Variants in SRPK2 observed in about 807,000 individuals in gnomAD.
SRPK2 encodes SRSF protein kinase 2, also known as SFRS protein kinase 2.
Under a neutral mutation model 90.8 loss-of-function variants are expected in SRPK2, and 21 were observed. The observed-to-expected ratio is 0.23, with a 90% CI of 0.16 to 0.33. The LOEUF is 0.33. SRPK2 is among the 10% of genes least tolerant of loss of function. SRPK2 has a pLI of 1.00. For synonymous variants in SRPK2, 288 were observed against 311.1 expected, an observed-to-expected ratio of 0.93 and a Z score of 0.78; for missense variants, 620 against 869.0, an observed-to-expected ratio of 0.71 and a Z score of 3.60.
chr7:105,238,102 G>C (rs2299320), intron 2 of SRPK2, among the ~76,000 whole-genome samples: 32 of 151,994 alleles, frequency 2.1e-4, no homozygotes, highest in Admixed American at 3.3e-4. Flanking sequence ...AGGCTGAATC[G>C]TGCAGGGTAA....
chr7:105,227,128 C>A (rs149388400), intron 2 of SRPK2, among the ~76,000 whole-genome samples: 2 of 152,070 alleles, frequency 1.3e-5, no homozygotes, highest in East Asian at 1.9e-4. Flanking sequence ...ATTCTCAAAC[C>A]AAGTAACAAA....
chr7:105,225,794 A>G, intron 2 of SRPK2, among the ~76,000 whole-genome samples: 1 of 4,008 alleles, frequency 2.5e-4, no homozygotes, highest in East Asian at 7.0e-3. Flanking sequence ...CTAAACTTAC[A>G]CTTAAAAAAA....
chr7:105,255,129 G>A (rs1803073740), intron 2 of SRPK2, among the ~76,000 whole-genome samples: 1 of 147,954 alleles, frequency 6.8e-6, no homozygotes, highest in Non-Finnish European at 1.5e-5. Context: ...AAGCATTTAA[G>A]ATATGTAGAA....
At chr7:105,301,887 C>T in intron 2 of SRPK2, 3 of 1,597,728 alleles carry the variant, frequency 1.9e-6, no homozygotes, top group Non-Finnish European at 2.6e-6. Context: ...TCCACAACAT[C>T]GATAAGCAAT....
At chr7:105,228,906 C>T (rs1375571103) in intron 2 of SRPK2, among the ~76,000 whole-genome samples, 1 of 152,176 alleles carries the variant, frequency 6.6e-6, no homozygotes, top group Non-Finnish European at 1.5e-5. Flanking sequence ...GTAAACAGGG[C>T]GCCCCTGTTA....
At chr7:105,389,324 C>T, upstream of SRPK2, 3 of 1,281,188 alleles carry the variant, frequency 2.3e-6, no homozygotes, top group Non-Finnish European at 3.0e-6. Context: ...CCTCTCTTCC[C>T]GCGGCCTCTT....
At chr7:105,329,007 C>G (rs1465863380) in intron 2 of SRPK2, among the ~76,000 whole-genome samples, 3 of 152,072 alleles carry the variant, frequency 2.0e-5, no homozygotes, top group African/African-American at 7.2e-5. Flanking sequence ...ATAGCGAAAC[C>G]CCATCCCTTA....
chr7:105,189,302 T>C (rs1386413020), intron 3 of SRPK2: 1 of 156,162 alleles, frequency 6.4e-6, no homozygotes, highest in African/African-American at 2.4e-5. Flanking sequence ...GGTGTAAATG[T>C]TGAACCTTTT....
chr7:105,182,815 TAGA>T (rs1793059071), intron 3 of SRPK2, among the ~76,000 whole-genome samples: 1 of 152,184 alleles, frequency 6.6e-6, no homozygotes, highest in African/African-American at 2.4e-5. Flanking sequence ...AAGTATTTAT[TAGA>T]AGATTTCCCC....
chr7:105,311,666 A>G lies in SRPK2; in HGVS notation c.71+76982T>C, dbSNP rs149885107. 5.7e-3 allele frequency among the ~76,000 whole-genome samples: 862 copies of G among 152,398 alleles called. 6 individuals are homozygous for G. Among genetic ancestry groups the G allele is most frequent in the Non-Finnish European group, 9.6e-3 (653 of 68,046 alleles). ...AATACCACCTCACACCCATCAGGAC[A>G]TCTACAAACAGAAATACAGACAATA... is the stretch of plus-strand genomic sequence containing the variant. On this transcript the variant is annotated intron_variant, in intron 2 of 15. Coordinates refer to ENST00000393651, the MANE Select transcript of SRPK2 (RefSeq NM_182692.3).
chr7:105,331,308 C>CAAA (rs57653042), intron 2 of SRPK2, among the ~76,000 whole-genome samples: 3,909 of 44,934 alleles, frequency 0.087, 1,321 homozygotes, highest in Non-Finnish European at 0.11. Flanking sequence ...GACTCCGTCT[C>CAAA]AAAAAAAAAA....
intron 7 of SRPK2, 99 bp downstream of exon 7, chr7:105,160,408 A>T: frequency 1.5e-6 from 1 of 666,582 alleles, no homozygotes; most frequent in Non-Finnish European, 2.7e-6. Context: ...TTATGCACTG[A>T]TACATATGTA....
At chr7:105,203,567 C>T (rs558912648) in intron 3 of SRPK2, 61 bp downstream of exon 3, 239 of 1,391,880 alleles carry the variant, frequency 1.7e-4, no homozygotes, top group Middle Eastern at 5.4e-4. Flanking sequence ...ATTCCCCCAA[C>T]AAATTACTAC....
intron 2 of SRPK2, among the ~76,000 whole-genome samples, chr7:105,241,150 C>A (rs1428433262): frequency 1.3e-5 from 2 of 151,976 alleles, no homozygotes; most frequent in Non-Finnish European, 2.9e-5. Context: ...AATTTTGATG[C>A]CAAAATTAGA....
intron 2 of SRPK2, among the ~76,000 whole-genome samples, chr7:105,345,797 C>T (rs1307004720): frequency 6.6e-6 from 1 of 152,348 alleles, no homozygotes; most frequent in African/African-American, 2.4e-5. Flanking sequence ...TCATAGCCAT[C>T]AGCCCCATGT....
intron 2 of SRPK2, among the ~76,000 whole-genome samples, chr7:105,347,075 T>TA (rs977501749): frequency 2.0e-5 from 3 of 151,638 alleles, no homozygotes; most frequent in African/African-American, 7.3e-5. Context: ...TTTTTTTTTT[T>TA]AAGATTAAGG....
At chr7:105,290,521 C>A (rs949283841) in intron 2 of SRPK2, among the ~76,000 whole-genome samples, 2 of 151,996 alleles carry the variant, frequency 1.3e-5, no homozygotes, top group Middle Eastern at 3.4e-3. Flanking sequence ...AAAACAAAAA[C>A]CACAATATTA....
In SRPK2 at chr7:105,273,172, G is replaced by A. The variant is rs538708133; in HGVS notation, c.72-69387C>T. Among the ~76,000 whole-genome samples, 6 of 151,198 alleles carry A rather than the reference G, an allele frequency of 4.0e-5. 1 individual carries two copies. The highest frequency in any genetic ancestry group is 2.6e-4 in the Admixed American group (4 of 15,190). On this transcript the variant is annotated intron_variant, in intron 2 of 15. Transcript: ENST00000393651. ...GGAGGTTGCAGTGAGCAGAGATCGC[G>A]CCACTGCACTCCAACCTGGGTGACA...
intron 2 of SRPK2, among the ~76,000 whole-genome samples, chr7:105,354,335 C>T (rs1012612477): frequency 6.6e-6 from 1 of 152,116 alleles, no homozygotes; most frequent in African/African-American, 2.4e-5. Context: ...TGGCTCTTGC[C>T]CGGCAGCTCA....
Sources: gnomAD v4.1 joint callset for allele counts (sites outside exome capture counted in the v4.1 genomes callset) on GRCh38, gnomAD v4.1.1 for gene constraint, MANE v1.5 for transcripts, NCBI Gene and HGNC (gene_info 2026-07-23, HGNC 2026-07-21) for gene names.